The following ADAMTS19 variants were observed in gnomAD, a reference collection of about 807,000 sequenced individuals.
ADAMTS19 encodes the protein ADAM metallopeptidase with thrombospondin type 1 motif 19.
A neutral mutation model predicts 153.3 loss-of-function variants in ADAMTS19; 93 were observed. The ratio of observed to expected loss-of-function variants is 0.61; its 90% confidence interval spans 0.51 to 0.72. ADAMTS19 has a LOEUF of 0.72. Among genes scored for constraint, ADAMTS19 ranks in the 30% least tolerant of loss-of-function variants. ADAMTS19 has a pLI of 0.00. For missense variants in ADAMTS19, 1,482 were observed against 1,552.1 expected (o/e 0.95, Z 0.76); for synonymous variants, 600 against 556.6 (o/e 1.08, Z -1.10).
chr5:129,601,368 C>A (rs574128531), intron 8 of ADAMTS19, among the ~76,000 whole-genome samples: 2 of 149,998 alleles, frequency 1.3e-5, no homozygotes, highest in African/African-American at 4.9e-5. Context: ...TATATATGCA[C>A]ATATTTATTA....
Position 129,504,587 on chromosome 5 carries a change from G to A in ADAMTS19, c.748-4490G>A, listed in dbSNP as rs140263775. Among the ~76,000 whole-genome samples, 828 of 152,022 alleles carry A rather than the reference G, an allele frequency of 5.4e-3. 8 individuals are homozygous for A. The highest frequency in any genetic ancestry group is 0.019 in the African/African-American group (768 of 41,468). ...CATTTTTAATTACAGTCACCATGTC[G>A]TGCAGTAAATCTCTTGAAGTTATTC... On this transcript the variant is annotated intron_variant, in intron 2 of 22. Transcript: ENST00000274487.
intron 18 of ADAMTS19, among the ~76,000 whole-genome samples, chr5:129,685,296 T>C (rs1354733621): frequency 6.6e-6 from 1 of 151,948 alleles, no homozygotes; most frequent in Non-Finnish European, 1.5e-5. Flanking sequence ...AAACTTGGGG[T>C]ATGCCACCAT....
chr5:129,736,856 C>T (rs1757686708), intron 22 of ADAMTS19, among the ~76,000 whole-genome samples: 1 of 151,978 alleles, frequency 6.6e-6, no homozygotes, highest in Admixed American at 6.6e-5. Flanking sequence ...GGCCTAAAAA[C>T]ATTTATAAGT....
chr5:129,508,486 A>T (rs1039339938), intron 2 of ADAMTS19, among the ~76,000 whole-genome samples: 2 of 152,014 alleles, frequency 1.3e-5, no homozygotes, highest in African/African-American at 4.8e-5. Context: ...TCACAATTGG[A>T]TGACTTTTAA....
intron 2 of ADAMTS19, among the ~76,000 whole-genome samples, chr5:129,469,389 G>T (rs2126647418): frequency 6.6e-6 from 1 of 152,234 alleles, no homozygotes; most frequent in Admixed American, 6.5e-5. Flanking sequence ...AAATTATGCA[G>T]ATTGAGACTA....
intron 7 of ADAMTS19, among the ~76,000 whole-genome samples, chr5:129,570,876 G>C (rs1393738627): frequency 2.0e-5 from 3 of 151,742 alleles, no homozygotes; most frequent in African/African-American, 7.3e-5. Context: ...ATCTATTCAT[G>C]GTTTAAAAAA....
At chr5:129,674,690 T>C (rs1754478423) in intron 16 of ADAMTS19, among the ~76,000 whole-genome samples, 1 of 152,198 alleles carries the variant, frequency 6.6e-6, no homozygotes, top group Non-Finnish European at 1.5e-5. Flanking sequence ...TCTTTTTCCT[T>C]CCTTTTTGCT....
At chr5:129,690,434 C>T (rs1385318512) in intron 18 of ADAMTS19, among the ~76,000 whole-genome samples, 2 of 152,110 alleles carry the variant, frequency 1.3e-5, no homozygotes, top group African/African-American at 4.8e-5. Flanking sequence ...TTTAACTTGA[C>T]AGCTATGTGA....
intron 10 of ADAMTS19, among the ~76,000 whole-genome samples, chr5:129,636,338 C>T (rs1420684406): frequency 1.8e-4 from 28 of 152,186 alleles, no homozygotes; most frequent in Admixed American, 1.8e-3. Flanking sequence ...TCCACCATTC[C>T]AGAAGGGGAA....
chr5:129,570,985 A>G (rs2126863531), intron 7 of ADAMTS19, among the ~76,000 whole-genome samples: 1 of 152,028 alleles, frequency 6.6e-6, no homozygotes, highest in East Asian at 1.9e-4. Context: ...AATGGTGAAA[A>G]AACGAATGCT....
At chr5:129,667,359 A>T (rs1002233662) in intron 16 of ADAMTS19, among the ~76,000 whole-genome samples, 1 of 152,188 alleles carries the variant, frequency 6.6e-6, no homozygotes, top group Non-Finnish European at 1.5e-5. Flanking sequence ...GATGTAAATT[A>T]TCAAAAGTTT....
At chr5:129,627,682 T>G (rs759149540) in intron 10 of ADAMTS19, among the ~76,000 whole-genome samples, 16 of 151,876 alleles carry the variant, frequency 1.1e-4, no homozygotes, top group Non-Finnish European at 1.9e-4. Context: ...CCAACAAGCA[T>G]ATTAAAAAAG....
intron 10 of ADAMTS19, 116 bp from the exon 11 acceptor site, chr5:129,641,743 A>G: frequency 1.9e-6 from 1 of 525,000 alleles, no homozygotes; most frequent in South Asian, 4.4e-5. Context: ...CCTAAAGCAT[A>G]TTTTTCTTCA....
rs1369179310 is a variant in ADAMTS19, at chr5:129,522,297, GTGTA to G, written c.914-3985_914-3982del. ...TGTATGCGTAGTTGTATGTGTGTGT[GTGTA>G]TATATATATATATATACACACACAC... On this transcript the variant is annotated intron_variant, in intron 3 of 22. Transcript: ENST00000274487. Among the ~76,000 whole-genome samples the G allele has an allele frequency of 8.4e-4, 95 of 112,798 alleles. 1 individual carries two copies. Among genetic ancestry groups the G allele is most frequent in the African/African-American group, 3.4e-3 (88 of 25,766 alleles). The allele number at this position is 112,798 out of a possible 152,430, so 74.0% of individuals were successfully genotyped here.
chr5:129,712,260 A>T (rs907663682), intron 21 of ADAMTS19, among the ~76,000 whole-genome samples: 2 of 152,184 alleles, frequency 1.3e-5, no homozygotes, highest in African/African-American at 2.4e-5. Context: ...TTGTCAGATC[A>T]GTCCATCATC....
At chr5:129,576,265 C>T (rs181810193) in intron 7 of ADAMTS19, among the ~76,000 whole-genome samples, 207 of 152,078 alleles carry the variant, frequency 1.4e-3, no homozygotes, top group African/African-American at 4.8e-3. Flanking sequence ...TTTCTCTAAA[C>T]ATTTACTTGA....
At chr5:129,610,703 G>T (rs942365031) in intron 8 of ADAMTS19, among the ~76,000 whole-genome samples, 6 of 152,070 alleles carry the variant, frequency 3.9e-5, no homozygotes, top group Non-Finnish European at 5.9e-5. Context: ...TGGACATTTG[G>T]GTTGGTTCCA....
Position 129,463,637 on chromosome 5 carries a change from G to A in ADAMTS19, c.747+1880G>A, listed in dbSNP as rs75262803. Among the ~76,000 whole-genome samples, 1,452 of 152,278 alleles carry A rather than the reference G, an allele frequency of 9.5e-3. 20 individuals carry two copies. Among genetic ancestry groups the A allele is most frequent in the African/African-American group, 0.033 (1,374 of 41,566 alleles). On this transcript the variant is annotated intron_variant, in intron 2 of 22. Coordinates refer to ENST00000274487, the MANE Select transcript of ADAMTS19 (RefSeq NM_133638.6). ...TGTTACTCTAGACTCTAACATGCCA[G>A]CCCTGTTCCCTTATGAGCTGGTGGA...
intron 21 of ADAMTS19, among the ~76,000 whole-genome samples, chr5:129,712,985 A>T (rs940104368): frequency 1.3e-5 from 2 of 152,258 alleles, no homozygotes; most frequent in Non-Finnish European, 2.9e-5. Context: ...TTCCTTCTTC[A>T]TAGCTTCTAG....
Sources: allele counts gnomAD v4.1 joint callset (sites outside exome capture counted in the v4.1 genomes callset), GRCh38; gene constraint gnomAD v4.1.1; transcripts MANE v1.5; gene names NCBI Gene and HGNC (gene_info 2026-07-23, HGNC 2026-07-21).